The following RBBP8 variants were observed in gnomAD, a reference collection of about 807,000 sequenced individuals.
The protein encoded by RBBP8 is DNA endonuclease RBBP8.
In RBBP8, 88 loss-of-function variants were observed where a neutral mutation model predicts 108.3. The ratio of observed to expected loss-of-function variants is 0.81; its 90% confidence interval spans 0.68 to 0.97. The LOEUF (loss-of-function observed/expected upper bound fraction) is 0.97. RBBP8 is among the 50% of genes least tolerant of loss of function. The pLI, the probability that RBBP8 is intolerant of heterozygous loss-of-function variation, is 0.00. For missense variants in RBBP8, 1,023 were observed against 1,049.0 expected, an observed-to-expected ratio of 0.98 and a Z score of 0.34; for synonymous variants, 332 against 348.2, an observed-to-expected ratio of 0.95 and a Z score of 0.52.
chr18:22,996,158 G>C (rs1436822138), intron 12 of RBBP8, among the ~76,000 whole-genome samples: 2 of 152,104 alleles, frequency 1.3e-5, no homozygotes, highest in Non-Finnish European at 2.9e-5. Context: ...ATCTTCTTTG[G>C]AGAACTGTCT....
intron 7 of RBBP8, among the ~76,000 whole-genome samples, chr18:22,983,372 T>C (rs1915083444): frequency 6.6e-6 from 1 of 152,212 alleles, no homozygotes; most frequent in Non-Finnish European, 1.5e-5. Context: ...ATTGACAGTT[T>C]TCCCCCACTT....
At chr18:22,970,422 GACA>G (rs1266200157) in intron 5 of RBBP8, among the ~76,000 whole-genome samples, 2 of 152,154 alleles carry the variant, frequency 1.3e-5, no homozygotes, top group Non-Finnish European at 2.9e-5. Context: ...TAAAGTATAA[GACA>G]ACGTTTTTTT....
chr18:22,964,379 T>G (rs1567964304), intron 4 of RBBP8, among the ~76,000 whole-genome samples: 1 of 150,806 alleles, frequency 6.6e-6, no homozygotes, highest in African/African-American at 2.4e-5. Flanking sequence ...TTAGGTTTTT[T>G]TTTTTTTTTT....
intron 5 of RBBP8, among the ~76,000 whole-genome samples, chr18:22,973,719 A>G (rs1392011385): frequency 6.6e-6 from 1 of 152,162 alleles, no homozygotes; most frequent in Non-Finnish European, 1.5e-5. Flanking sequence ...TCTACCGTTT[A>G]TTATACCCAG....
At chr18:22,967,361 G>A (rs374459005) in intron 4 of RBBP8, among the ~76,000 whole-genome samples, 63 of 101,470 alleles carry the variant, frequency 6.2e-4, no homozygotes, top group African/African-American at 1.5e-3. Context: ...GCAGGACTCC[G>A]TCTCAAAAAA....
intron 16 of RBBP8, among the ~76,000 whole-genome samples, chr18:23,007,453 C>T (rs1369819973): frequency 6.6e-6 from 1 of 151,364 alleles, no homozygotes. Flanking sequence ...GCTTGTAATC[C>T]CAGCACTTTG....
intron 16 of RBBP8, among the ~76,000 whole-genome samples, chr18:23,007,524 G>A (rs906649385): frequency 6.6e-6 from 1 of 151,150 alleles, no homozygotes; most frequent in Non-Finnish European, 1.5e-5. Flanking sequence ...ATAACATGGT[G>A]AAACCCCGTC....
chr18:22,988,932 AT>A lies in RBBP8; in HGVS notation c.710-282del, dbSNP rs1179758883. Among the ~76,000 whole-genome samples, 4 of 152,280 alleles carry A rather than the reference AT, an allele frequency of 2.6e-5. No homozygotes were observed. In the East Asian group the frequency reaches 5.8e-4, roughly 22 times the overall value. ...AATTCCACTGTAAATCCATTTTAAG[AT>A]TTTTTTCCCCAGTGGCAATAAGAAA... On this transcript the variant is annotated intron_variant, in intron 8 of 18. Coordinates refer to ENST00000327155, the MANE Select transcript of RBBP8 (RefSeq NM_002894.3).
chr18:22,919,162 T>A (rs1437054085), intron 3 of RBBP8, among the ~76,000 whole-genome samples: 3 of 152,158 alleles, frequency 2.0e-5, no homozygotes, highest in Admixed American at 2.0e-4. Context: ...TGAGCAAAGA[T>A]CACAAAGGAG....
chr18:23,012,200 G>T (rs1329605962), intron 16 of RBBP8, among the ~76,000 whole-genome samples: 1 of 78,794 alleles, frequency 1.3e-5, no homozygotes, highest in Admixed American at 1.6e-4. Flanking sequence ...AAAGTGAGAT[G>T]CTGTCTCCAA....
chr18:22,966,501 G>A lies in RBBP8; in HGVS notation c.249-2305G>A, dbSNP rs868039395. ...TGCCTGTAATCCCAGTACTTTGGGA[G>A]GCCAGGGTGGGAGGATCACTTGAGC... On this transcript the variant is annotated intron_variant, in intron 4 of 18. Coordinates refer to ENST00000327155, the MANE Select transcript of RBBP8 (RefSeq NM_002894.3). Among the ~76,000 whole-genome samples the A allele has an allele frequency of 3.5e-4, 53 of 151,324 alleles. 1 individual carries two copies. The highest frequency in any genetic ancestry group is 1.0e-3 in the South Asian group (5 of 4,768).
chr18:22,994,617 A>T (rs1005807480), intron 12 of RBBP8, among the ~76,000 whole-genome samples: 1 of 149,128 alleles, frequency 6.7e-6, no homozygotes, highest in African/African-American at 2.4e-5. Context: ...ACTGCACTCC[A>T]GCCTGGGTGA....
At position 22,999,592 on chromosome 18, in the gene RBBP8, G is replaced by A. The variant is rs73966423; in HGVS notation, c.2143+1858G>A. Among the ~76,000 whole-genome samples the A allele has an allele frequency of 1.5e-3, 235 of 151,760 alleles. 1 individual carries two copies. The highest frequency in any genetic ancestry group is 5.4e-3 in the African/African-American group (224 of 41,372). The stretch of plus-strand genomic sequence containing the variant: ...AGTGACACTCAGTGGGAGGAGTGTT[G>A]ACATCATGTTGTAAGAACCGCACAT... On this transcript the variant is annotated intron_variant, in intron 14 of 18. Coordinates refer to ENST00000327155, the MANE Select transcript of RBBP8 (RefSeq NM_002894.3).
At chr18:22,988,450 A>G (rs1160465953) in intron 8 of RBBP8, among the ~76,000 whole-genome samples, 2 of 152,072 alleles carry the variant, frequency 1.3e-5, no homozygotes, top group Non-Finnish European at 2.9e-5. Flanking sequence ...TAGACCCTTA[A>G]TTATACCTAG....
At chr18:23,000,931 C>G (rs1474629540) in intron 14 of RBBP8, among the ~76,000 whole-genome samples, 1 of 152,098 alleles carries the variant, frequency 6.6e-6, no homozygotes, top group African/African-American at 2.4e-5. Context: ...TTACAGTTTG[C>G]TACTCACTGA....
chr18:22,925,178 A>G lies in RBBP8; in HGVS notation c.-153-4205A>G, dbSNP rs76690221. On this transcript the variant is annotated intron_variant, in intron 3 of 4. Coordinates refer to the RBBP8 transcript ENST00000577588. ...AGCTGCTGCACTTGGCCGGAAGCCT[A>G]TCTATTTCAATTTTAGTATCCTAAA... 6.1e-3 allele frequency among the ~76,000 whole-genome samples: 929 copies of G among 152,246 alleles called. 10 individuals carry two copies. Among genetic ancestry groups the G allele is most frequent in the African/African-American group, 0.021 (890 of 41,552 alleles).
At chr18:22,935,234 T>C (rs1910439804) in intron 1 of RBBP8, among the ~76,000 whole-genome samples, 1 of 151,204 alleles carries the variant, frequency 6.6e-6, no homozygotes, top group Non-Finnish European at 1.5e-5. Flanking sequence ...GCTTCAGAAA[T>C]TGTTGAAGTT....
chr18:23,010,051 C>T (rs2046129188), intron 16 of RBBP8, among the ~76,000 whole-genome samples: 2 of 152,230 alleles, frequency 1.3e-5, no homozygotes, highest in Non-Finnish European at 2.9e-5. Flanking sequence ...TGAGCCACTG[C>T]ACCTGGCCTG....
Position 22,993,035 on chromosome 18 carries a change from A to G in RBBP8, c.1208A>G (p.Asn403Ser), listed in dbSNP as rs1198682157. 4.3e-6 allele frequency: 7 copies of G among 1,612,944 alleles called. No individual in the cohort carries two copies. Among genetic ancestry groups the G allele is most frequent in the Admixed American group, 1.7e-5 (1 of 59,998 alleles). The change falls in exon 11 of 19, where the codon AAT (asparagine) becomes AGT (serine). Residue 403 changes from asparagine to serine, a missense_variant. Coordinates refer to ENST00000327155, the MANE Select transcript of RBBP8 (RefSeq NM_002894.3). ...AACAAGATCATTATCCAGTCATCTA[A>G]TAAACAGATACTTATAAATAAAAAT... ...EVNKIIIQSS[N>S]KQILINKNIS...
Sources: gnomAD v4.1 joint callset for allele counts (sites outside exome capture counted in the v4.1 genomes callset) on GRCh38, gnomAD v4.1.1 for gene constraint, MANE v1.5 for transcripts, NCBI Gene and HGNC (gene_info 2026-07-23, HGNC 2026-07-21) for gene names.